EPB41L4A: variants seen among roughly 807,000 people sequenced by gnomAD.
EPB41L4A encodes erythrocyte membrane protein band 4.1 like 4A, also known as band 4.1-like protein 4A.
In EPB41L4A, 100 loss-of-function variants were observed where a neutral mutation model predicts 108.6. The observed-to-expected ratio is 0.92, with a 90% CI of 0.78 to 1.09. The LOEUF (loss-of-function observed/expected upper bound fraction) is 1.09. Ranked by LOEUF, EPB41L4A falls within the 50% of genes least tolerant of loss-of-function variation. The probability of loss-of-function intolerance (pLI) is 0.00; values close to 1 mark genes in which losing one functional copy is unlikely to be tolerated. For missense variants in EPB41L4A, 1,030 were observed against 842.7 expected, an observed-to-expected ratio of 1.22 and a Z score of -2.75; for synonymous variants, 319 against 289.0, an observed-to-expected ratio of 1.10 and a Z score of -1.05.
intron 1 of EPB41L4A, among the ~76,000 whole-genome samples, chr5:112,341,750 T>C (rs1256259828): frequency 8.7e-6 from 1 of 114,962 alleles, no homozygotes; most frequent in African/African-American, 3.5e-5. Flanking sequence ...TGTCACTATT[T>C]AAAACACACA....
intron 1 of EPB41L4A, among the ~76,000 whole-genome samples, chr5:112,417,379 T>G (rs926057067): frequency 1.3e-5 from 2 of 152,218 alleles, no homozygotes; most frequent in African/African-American, 4.8e-5. Context: ...ATTTAGACTT[T>G]GCACTTCAAA....
chr5:112,326,935 CT>C (rs1756203512), intron 1 of EPB41L4A, among the ~76,000 whole-genome samples: 1 of 152,146 alleles, frequency 6.6e-6, no homozygotes, highest in African/African-American at 2.4e-5. Flanking sequence ...CACTGATCAC[CT>C]ACCAATCACA....
intron 10 of EPB41L4A, 72 bp downstream of exon 10, chr5:112,240,647 G>C: frequency 1.2e-6 from 1 of 845,804 alleles, no homozygotes; most frequent in Non-Finnish European, 1.8e-6. Context: ...GTTTTAGACA[G>C]AATTCTTTTT....
At chr5:112,179,280 A>G (rs538383242) in intron 18 of EPB41L4A, among the ~76,000 whole-genome samples, 137 of 152,232 alleles carry the variant, frequency 9.0e-4, no homozygotes, top group Non-Finnish European at 1.3e-3. Context: ...GAAGAAAAAA[A>G]TGCTTTTATA....
chr5:112,142,960 G>C (rs1027764331), exon 14 of EPB41L4A: 2 of 152,128 alleles, frequency 1.3e-5, no homozygotes, highest in East Asian at 1.9e-4. Context: ...AGCCATGAGA[G>C]GATTCACATG....
intron 1 of EPB41L4A, among the ~76,000 whole-genome samples, chr5:112,352,351 T>G (rs1758100454): frequency 1.3e-5 from 2 of 152,228 alleles, no homozygotes; most frequent in Non-Finnish European, 2.9e-5. Context: ...CTTCTTAATT[T>G]CCCCACTGAC....
At chr5:112,394,748 T>C (rs1761212117) in intron 1 of EPB41L4A, among the ~76,000 whole-genome samples, 1 of 152,104 alleles carries the variant, frequency 6.6e-6, no homozygotes, top group African/African-American at 2.4e-5. Flanking sequence ...TACTTTAAAG[T>C]TCATATGGAA....
chr5:112,290,432 C>T (rs1163721972), intron 2 of EPB41L4A, among the ~76,000 whole-genome samples: 2 of 152,092 alleles, frequency 1.3e-5, no homozygotes. Flanking sequence ...ACATAATAAC[C>T]AATGTGTTCA....
At chr5:112,229,884 AG>A in intron 12 of EPB41L4A, among the ~76,000 whole-genome samples, 1 of 151,064 alleles carries the variant, frequency 6.6e-6, no homozygotes. Context: ...GCTACTTGGG[AG>A]GCTGAGGCAG....
At chr5:112,302,210 T>A (rs969464186) in intron 2 of EPB41L4A, among the ~76,000 whole-genome samples, 1 of 152,056 alleles carries the variant, frequency 6.6e-6, no homozygotes, top group Non-Finnish European at 1.5e-5. Context: ...CATGGTTTTT[T>A]AAAAAAATTC....
downstream of EPB41L4A, among the ~76,000 whole-genome samples, chr5:112,141,901 G>T (rs1277337748): frequency 6.6e-6 from 1 of 152,134 alleles, no homozygotes; most frequent in African/African-American, 2.4e-5. Flanking sequence ...ATGAGATAAA[G>T]CTGCCTAGGT....
chr5:112,383,510 G>A (rs1760301019), intron 1 of EPB41L4A, among the ~76,000 whole-genome samples: 1 of 152,250 alleles, frequency 6.6e-6, no homozygotes, highest in Admixed American at 6.5e-5. Flanking sequence ...CTTTCAAAAT[G>A]AAATGACAGG....
intron 12 of EPB41L4A, among the ~76,000 whole-genome samples, chr5:112,224,576 C>T (rs1748323123): frequency 6.6e-6 from 1 of 152,162 alleles, no homozygotes; most frequent in Admixed American, 6.5e-5. Context: ...TGCTGAATGA[C>T]AAGTTACAGG....
At chr5:112,270,647 T>C (rs981087881) in intron 4 of EPB41L4A, among the ~76,000 whole-genome samples, 5 of 152,288 alleles carry the variant, frequency 3.3e-5, no homozygotes, top group Admixed American at 3.3e-4. Flanking sequence ...CATAATGACA[T>C]GTAACCCTCA....
chr5:112,360,483 C>T (rs530844195), intron 1 of EPB41L4A, among the ~76,000 whole-genome samples: 50 of 151,826 alleles, frequency 3.3e-4, no homozygotes, highest in African/African-American at 1.2e-3. Flanking sequence ...CCATGTTGGC[C>T]GGGCTGGTCT....
intron 2 of EPB41L4A, among the ~76,000 whole-genome samples, chr5:112,297,187 T>C (rs1037919032): frequency 2.6e-5 from 4 of 152,216 alleles, no homozygotes; most frequent in African/African-American, 9.6e-5. Context: ...ATGGGAGTTA[T>C]ACTTTGAGTT....
intron 16 of EPB41L4A, 73 bp from the exon 17 acceptor site, chr5:112,194,718 T>C (rs1208114213): frequency 2.1e-6 from 2 of 936,814 alleles, no homozygotes; most frequent in African/African-American, 1.7e-5. Flanking sequence ...GAAAGGTTTA[T>C]ATGGGTCCTC....
rs201798516 is a variant in EPB41L4A at position 112,361,709 on chromosome 5, AAAAT to A, written c.100-54223_100-54220del. Among the ~76,000 whole-genome samples the A allele has an allele frequency of 7.9e-3, 614 of 77,840 alleles. 7 individuals carry two copies. Among genetic ancestry groups the A allele is most frequent in the Admixed American group, 0.017 (115 of 6,598 alleles). 51.1% of individuals were successfully genotyped at this position (77,840 alleles called of 152,430 possible). On this transcript the variant is annotated intron_variant, in intron 1 of 22. Transcript: ENST00000261486. ...AAAAGAACACCAAAAATGCTAAAAA[AAAAT>A]AATAATAATAATAATAATAATAAAC...
chr5:112,321,075 G>A (rs1289854135), intron 1 of EPB41L4A, among the ~76,000 whole-genome samples: 1 of 152,176 alleles, frequency 6.6e-6, no homozygotes, highest in East Asian at 1.9e-4. Context: ...TCAGATGACA[G>A]TATGTAGGAA....
Sources: gnomAD v4.1 joint callset for allele counts (sites outside exome capture counted in the v4.1 genomes callset) on GRCh38, gnomAD v4.1.1 for gene constraint, MANE v1.5 for transcripts, NCBI Gene and HGNC (gene_info 2026-07-23, HGNC 2026-07-21) for gene names.